Variants in BCAR3 observed in about 807,000 individuals in gnomAD.
BCAR3 encodes breast cancer anti-estrogen resistance protein 3.
BCAR3 carries 37 observed loss-of-function variants against 80.1 expected under a neutral mutation model. The observed-to-expected ratio is 0.46, with a 90% CI of 0.36 to 0.61. The LOEUF is 0.61. Ranked by LOEUF, BCAR3 falls within the 20% of genes least tolerant of loss-of-function variation. The probability of loss-of-function intolerance (pLI) is 0.00; values close to 1 mark genes in which losing one functional copy is unlikely to be tolerated. For missense variants in BCAR3, 978 were observed against 1,068.2 expected, an observed-to-expected ratio of 0.92 and a Z score of 1.18; for synonymous variants, 389 against 418.9, an observed-to-expected ratio of 0.93 and a Z score of 0.87.
Position 93,567,834 on chromosome 1 carries a change from CTTTTCTAACCTTGTGATCTGGAAGAAA to C in BCAR3, c.1975-10_1991del, listed in dbSNP as rs1389925928. ...ACTGGTGCCGCAGAGCAGTCCACGT[CTTTTCTAACCTTGTGATCTGGAAGAAA>C]GGTGGTGTTTTGGAAAAGGTTCTTT... is the stretch of plus-strand genomic sequence containing the variant. On this transcript the variant is annotated splice_acceptor_variant and splice_polypyrimidine_tract_variant and coding_sequence_variant and intron_variant, in exon 10 of 12. Coordinates refer to ENST00000260502, the MANE Select transcript of BCAR3 (RefSeq NM_003567.4). LOFTEE classifies it high-confidence loss of function. 1 of 1,613,834 alleles carries C rather than the reference CTTTTCTAACCTTGTGATCTGGAAGAAA, an allele frequency of 6.2e-7. No homozygotes were observed. Among genetic ancestry groups the C allele is most frequent in the South Asian group, 1.1e-5 (1 of 91,084 alleles).
chr1:93,654,397 G>A (rs983508424), intron 2 of BCAR3, among the ~76,000 whole-genome samples: 6 of 152,050 alleles, frequency 3.9e-5, no homozygotes, highest in Non-Finnish European at 8.8e-5. Context: ...CCTCACCACC[G>A]ACAGCCAGGA....
At chr1:93,787,517 C>T (rs1347921858) in intron 2 of BCAR3, among the ~76,000 whole-genome samples, 4 of 152,136 alleles carry the variant, frequency 2.6e-5, no homozygotes, top group African/African-American at 7.2e-5. Context: ...GTGTCACTAA[C>T]ATCATTCAGC....
upstream of BCAR3, among the ~76,000 whole-genome samples, chr1:93,683,365 T>C (rs1032655661): frequency 3.3e-5 from 5 of 152,166 alleles, no homozygotes; most frequent in Admixed American, 3.3e-4. Context: ...AAATGAACTT[T>C]TTACAACCAC....
intron 2 of BCAR3, among the ~76,000 whole-genome samples, chr1:93,660,220 G>C (rs1316283232): frequency 6.6e-6 from 1 of 152,210 alleles, no homozygotes; most frequent in Non-Finnish European, 1.5e-5. Flanking sequence ...TCATTAAGGA[G>C]ATAATTTAGC....
chr1:93,702,014 G>C (rs898679462), intron 3 of BCAR3, among the ~76,000 whole-genome samples: 7 of 152,134 alleles, frequency 4.6e-5, no homozygotes, highest in Non-Finnish European at 8.8e-5. Flanking sequence ...GTGGGGTTGG[G>C]GGTGGACACA....
intron 2 of BCAR3, among the ~76,000 whole-genome samples, chr1:93,717,451 G>T (rs185342575): frequency 6.7e-4 from 102 of 152,292 alleles, no homozygotes; most frequent in African/African-American, 2.4e-3. Flanking sequence ...GAGGCTGGGC[G>T]CAGTGGCTCA....
intron 2 of BCAR3, among the ~76,000 whole-genome samples, chr1:93,784,184 T>C (rs972546574): frequency 1.6e-5 from 2 of 123,282 alleles, no homozygotes; most frequent in African/African-American, 6.6e-5. Context: ...CCTGCCCAAA[T>C]AATGGATCTG....
intron 2 of BCAR3, among the ~76,000 whole-genome samples, chr1:93,746,003 G>T (rs895885227): frequency 6.6e-6 from 1 of 152,238 alleles, no homozygotes; most frequent in African/African-American, 2.4e-5. Context: ...CATAGTATTT[G>T]TGTGAAACTA....
chr1:93,780,105 T>C (rs1652716124), intron 2 of BCAR3, among the ~76,000 whole-genome samples: 2 of 152,184 alleles, frequency 1.3e-5, no homozygotes, highest in African/African-American at 4.8e-5. Context: ...CCTCAGCCTT[T>C]TCTTTTCTGT....
chr1:93,803,887 T>C (rs1027440641), intron 2 of BCAR3, among the ~76,000 whole-genome samples: 2 of 152,210 alleles, frequency 1.3e-5, no homozygotes, highest in Non-Finnish European at 2.9e-5. Flanking sequence ...TCTTAAAATA[T>C]GCTATTGATG....
At chr1:93,613,526 G>A (rs969280193) in intron 3 of BCAR3, among the ~76,000 whole-genome samples, 1 of 152,186 alleles carries the variant, frequency 6.6e-6, no homozygotes, top group Non-Finnish European at 1.5e-5. Context: ...TGAAGGAAGA[G>A]AGACAAAGAG....
chr1:93,830,008 T>C (rs1174597647), intron 2 of BCAR3, among the ~76,000 whole-genome samples: 10 of 152,196 alleles, frequency 6.6e-5, no homozygotes, highest in Non-Finnish European at 1.5e-4. Context: ...ACTCACTCTC[T>C]CTTCCTCCTA....
chr1:93,664,069 C>A (rs768892380), intron 2 of BCAR3, among the ~76,000 whole-genome samples: 5 of 152,192 alleles, frequency 3.3e-5, no homozygotes, highest in Admixed American at 6.5e-5. Context: ...GATTCTAAGG[C>A]CTGATTACTT....
chr1:93,636,638 A>G (rs1675790592), intron 3 of BCAR3, among the ~76,000 whole-genome samples: 1 of 152,090 alleles, frequency 6.6e-6, no homozygotes, highest in Non-Finnish European at 1.5e-5. Context: ...AGGACAATTT[A>G]TTTTAAAATG....
At chr1:93,777,714 C>G (rs1247492388) in intron 2 of BCAR3, among the ~76,000 whole-genome samples, 2 of 152,142 alleles carry the variant, frequency 1.3e-5, no homozygotes, top group African/African-American at 4.8e-5. Flanking sequence ...CATGAGCCAC[C>G]ACACCTGGCC....
chr1:93,682,053 A>G (rs1648806355), upstream of BCAR3, among the ~76,000 whole-genome samples: 2 of 152,074 alleles, frequency 1.3e-5, no homozygotes, highest in South Asian at 4.1e-4. Flanking sequence ...TCCTTTCTGA[A>G]GCTCTCTCCA....
At chr1:93,679,229 A>G (rs1306335979) in intron 1 of BCAR3, among the ~76,000 whole-genome samples, 1 of 152,248 alleles carries the variant, frequency 6.6e-6, no homozygotes, top group African/African-American at 2.4e-5. Context: ...AACACTTAGT[A>G]AATAGCAGGT....
At chr1:93,742,739 T>C (rs1651220518) in intron 2 of BCAR3, among the ~76,000 whole-genome samples, 1 of 152,244 alleles carries the variant, frequency 6.6e-6, no homozygotes, top group African/African-American at 2.4e-5. Context: ...CTTCCTAGGT[T>C]TCTGCTGAAG....
chr1:93,752,699 G>C (rs1651603845), intron 2 of BCAR3, among the ~76,000 whole-genome samples: 1 of 152,208 alleles, frequency 6.6e-6, no homozygotes, highest in Admixed American at 6.5e-5. Flanking sequence ...TGACATTTGT[G>C]AGTGTTGTCT....
Sources: gnomAD v4.1 joint callset for allele counts (sites outside exome capture counted in the v4.1 genomes callset) on GRCh38, gnomAD v4.1.1 for gene constraint, MANE v1.5 for transcripts, NCBI Gene and HGNC (gene_info 2026-07-23, HGNC 2026-07-21) for gene names.